Variants in AIG1 observed in about 807,000 individuals in gnomAD.
AIG1 encodes the protein androgen induced 1, also known as androgen-induced gene 1 protein.
Under a neutral mutation model 31.4 loss-of-function variants are expected in AIG1, and 23 were observed. That is an observed-to-expected ratio of 0.73 (90% confidence interval 0.53 to 1.04). The LOEUF is 1.04. Ranked by LOEUF, AIG1 falls within the 50% of genes least tolerant of loss-of-function variation. AIG1 has a pLI of 0.00. For missense variants in AIG1, 274 were observed against 295.0 expected (o/e 0.93, Z 0.52); for synonymous variants, 100 against 110.5 (o/e 0.90, Z 0.60).
intron 3 of AIG1, chr6:143,189,183 A>C (rs1789556261): frequency 1.2e-5 from 5 of 423,400 alleles, no homozygotes; most frequent in East Asian, 1.6e-4. Context: ...AGCTGGGACC[A>C]CAGATGTGGA....
intron 1 of AIG1, among the ~76,000 whole-genome samples, chr6:143,099,312 A>G (rs917866300): frequency 6.6e-6 from 1 of 152,256 alleles, no homozygotes; most frequent in Admixed American, 6.5e-5. Flanking sequence ...CTAACAATGT[A>G]GATACTCTGT....
intron 3 of AIG1, among the ~76,000 whole-genome samples, chr6:143,264,650 G>A (rs900412371): frequency 6.6e-6 from 1 of 152,172 alleles, no homozygotes; most frequent in African/African-American, 2.4e-5. Context: ...TTGGAAATTG[G>A]CACTGAGCCA....
chr6:143,238,403 A>C (rs549222427), intron 3 of AIG1, among the ~76,000 whole-genome samples: 65 of 152,226 alleles, frequency 4.3e-4, no homozygotes, highest in Non-Finnish European at 8.2e-4. Flanking sequence ...GACTTTCTTC[A>C]TACTATGGCA....
intron 3 of AIG1, among the ~76,000 whole-genome samples, chr6:143,267,428 G>A (rs1433790130): frequency 6.6e-6 from 1 of 152,134 alleles, no homozygotes; most frequent in Non-Finnish European, 1.5e-5. Flanking sequence ...GTATAGCACA[G>A]CACACAGCTA....
intron 2 of AIG1, among the ~76,000 whole-genome samples, chr6:143,147,171 T>C (rs6927915): frequency 0.027 from 4,090 of 152,252 alleles, 137 homozygotes; most frequent in African/African-American, 0.075. Flanking sequence ...GGAGTTTGAA[T>C]TGTGTTGGTG....
rs1034505394 is a variant in AIG1, at chr6:143,223,998, C to T, written c.399+58815C>T. Among the ~76,000 whole-genome samples, 6 of 152,070 alleles carry T rather than the reference C, an allele frequency of 3.9e-5. No individual in the cohort carries two copies. The East Asian group carries it at 7.7e-4, about 20-fold the overall frequency. ...CCCTCATAAGACCTCCTCCTCCTCC[C>T]GAACGTCTCCTGCCTGCCCTGCCTC... is the stretch of plus-strand genomic sequence containing the variant. On this transcript the variant is annotated intron_variant, in intron 3 of 5. Transcript: ENST00000357847.
downstream of AIG1, chr6:143,342,861 T>C (rs1583927114): frequency 1.2e-6 from 1 of 839,468 alleles, no homozygotes; most frequent in Non-Finnish European, 2.1e-6. Flanking sequence ...AAGTCCGTTG[T>C]TCTCCAATGT....
intron 3 of AIG1, among the ~76,000 whole-genome samples, chr6:143,216,283 C>A (rs1381823959): frequency 6.6e-6 from 1 of 152,136 alleles, no homozygotes; most frequent in Non-Finnish European, 1.5e-5. Context: ...TGATCGAGGG[C>A]TTTTCTAAGT....
At chr6:143,273,301 C>G (rs1007164652) in intron 3 of AIG1, among the ~76,000 whole-genome samples, 1 of 152,176 alleles carries the variant, frequency 6.6e-6, no homozygotes, top group Non-Finnish European at 1.5e-5. Flanking sequence ...TATTGTTTTT[C>G]AAGCTTCCTT....
downstream of AIG1, chr6:143,343,405 G>A: frequency 1.9e-6 from 1 of 537,800 alleles, no homozygotes; most frequent in Non-Finnish European, 3.7e-6. Flanking sequence ...CACAGTACCG[G>A]TGCACCTGTC....
chr6:143,256,995 C>A lies in AIG1; in HGVS notation c.400-27115C>A, dbSNP rs777404013. Among the ~76,000 whole-genome samples the A allele has an allele frequency of 5.3e-5, 8 of 152,162 alleles. No individual in the cohort carries two copies. Among genetic ancestry groups the A allele is most frequent in the Non-Finnish European group, 1.2e-4 (8 of 68,028 alleles). ...AATTGGCTTTGGAAGCATTTTTAAG[C>A]TTTAGTCTCATTTGTCCATAAAGCA... On this transcript the variant is annotated intron_variant, in intron 3 of 5. Coordinates refer to ENST00000357847, the MANE Select transcript of AIG1 (RefSeq NM_016108.4). This position sits in a 1 kb window ranked among gnomAD's most constrained non-coding sequence, Gnocchi z 4.6.
chr6:143,171,528 A>AAT (rs1298084001), intron 3 of AIG1, among the ~76,000 whole-genome samples: 2 of 130,154 alleles, frequency 1.5e-5, no homozygotes, highest in African/African-American at 2.9e-5. Flanking sequence ...ATATATATTT[A>AAT]ATATATATAT....
At chr6:143,086,969 A>G (rs1459033503) in intron 1 of AIG1, among the ~76,000 whole-genome samples, 1 of 152,166 alleles carries the variant, frequency 6.6e-6, no homozygotes, top group Non-Finnish European at 1.5e-5. Context: ...TGAAAGCGGA[A>G]GCTGGTTCCA....
At chr6:143,191,792 A>G (rs1462133161) in intron 3 of AIG1, among the ~76,000 whole-genome samples, 3 of 152,226 alleles carry the variant, frequency 2.0e-5, no homozygotes, top group Non-Finnish European at 4.4e-5. Flanking sequence ...AATGACATTT[A>G]TAAAGGTAAA....
chr6:143,156,258 A>G (rs1161225936), intron 2 of AIG1, among the ~76,000 whole-genome samples: 3 of 152,248 alleles, frequency 2.0e-5, no homozygotes, highest in Non-Finnish European at 4.4e-5. Context: ...GAATGCATGT[A>G]TCCGTTAGTG....
intron 3 of AIG1, among the ~76,000 whole-genome samples, chr6:143,209,141 AAC>A (rs1300038730): frequency 6.6e-6 from 1 of 152,202 alleles, no homozygotes; most frequent in African/African-American, 2.4e-5. Context: ...CAATAAAGAA[AAC>A]ACAGCCCTTG....
intron 3 of AIG1, among the ~76,000 whole-genome samples, chr6:143,228,672 G>A (rs1261934789): frequency 3.3e-5 from 5 of 152,170 alleles, no homozygotes; most frequent in Non-Finnish European, 7.3e-5. Flanking sequence ...TCGACTCTGG[G>A]ACTATTGAAA....
rs141572427 is a variant in AIG1 at position 143,114,468 on chromosome 6, G to A, written c.142-22367G>A. Among the ~76,000 whole-genome samples, 201 of 152,192 alleles carry A rather than the reference G, an allele frequency of 1.3e-3. 2 individuals are homozygous for A. Among genetic ancestry groups the A allele is most frequent in the Non-Finnish European group, 2.4e-3 (160 of 67,994 alleles). ...TCTCTGATTCCACTTTAAAATAGAT[G>A]GGAAAAAAATGCACCAAGGTGGAAG... On this transcript the variant is annotated intron_variant, in intron 1 of 5. Transcript: ENST00000357847.
At chr6:143,224,046 C>T (rs148819023) in intron 3 of AIG1, among the ~76,000 whole-genome samples, 18 of 152,282 alleles carry the variant, frequency 1.2e-4, no homozygotes, top group Middle Eastern at 3.4e-3. Flanking sequence ...TGCCTGGCCA[C>T]TGCAGGAATC....
Sources: allele counts gnomAD v4.1 joint callset (sites outside exome capture counted in the v4.1 genomes callset), GRCh38; gene constraint gnomAD v4.1.1; non-coding constraint Gnocchi (gnomAD v3.1); transcripts MANE v1.5; gene names NCBI Gene and HGNC (gene_info 2026-07-23, HGNC 2026-07-21).